The following SDK2 variants were observed in gnomAD, a reference collection of about 807,000 sequenced individuals.
SDK2 encodes the protein sidekick cell adhesion molecule 2.
In SDK2, 105 loss-of-function variants were observed where a neutral mutation model predicts 253.9. That is an observed-to-expected ratio of 0.41 (90% CI 0.35 to 0.49). The LOEUF is 0.49. SDK2 is among the 20% of genes least tolerant of loss of function. The pLI, the probability that SDK2 is intolerant of heterozygous loss-of-function variation, is 0.06. For missense variants in SDK2, 2,608 were observed against 3,003.0 expected (o/e 0.87, Z 3.07); for synonymous variants, 1,249 against 1,234.9 (o/e 1.01, Z -0.24).
rs1474577854 is a variant in SDK2, at chr17:73,616,990, A to G, written c.64+27035T>C. The stretch of plus-strand genomic sequence containing the variant: ...GTTTTCACAGGCCCATGCATGGCAC[A>G]TGGGAGGCCCACGACACATGTTTAT... On this transcript the variant is annotated intron_variant, in intron 1 of 44. Transcript: ENST00000392650. The surrounding 1 kb of genome is among the most constrained non-coding windows in gnomAD (Gnocchi z 5.2). Among the ~76,000 whole-genome samples the G allele has an allele frequency of 2.6e-5, 4 of 152,106 alleles. No homozygotes were observed. In the East Asian group the frequency reaches 7.7e-4, roughly 29 times the overall value.
At chr17:73,376,715 T>C (rs1001963117) in intron 36 of SDK2, among the ~76,000 whole-genome samples, 2 of 152,186 alleles carry the variant, frequency 1.3e-5, no homozygotes, top group Admixed American at 6.6e-5. Context: ...GCTGCCACAC[T>C]GCTGCTGGCG....
chr17:73,402,938 C>T (rs377723645), intron 18 of SDK2, among the ~76,000 whole-genome samples: 5 of 152,250 alleles, frequency 3.3e-5, no homozygotes, highest in African/African-American at 1.2e-4. Context: ...GATGGGATTA[C>T]AGACATGCAC....
intron 2 of SDK2, among the ~76,000 whole-genome samples, chr17:73,499,923 C>G (rs1279734778): frequency 1.3e-5 from 2 of 148,840 alleles, no homozygotes; most frequent in African/African-American, 5.0e-5. Flanking sequence ...GAGTGATCGC[C>G]TTGCTCATCT....
intron 5 of SDK2, among the ~76,000 whole-genome samples, chr17:73,444,727 A>T (rs1043785018): frequency 6.6e-6 from 1 of 152,106 alleles, no homozygotes; most frequent in Non-Finnish European, 1.5e-5. Flanking sequence ...CAGTTTACAG[A>T]TGGGGAAACT....
intron 3 of SDK2, among the ~76,000 whole-genome samples, chr17:73,462,842 T>C (rs555911064): frequency 2.6e-5 from 4 of 152,290 alleles, no homozygotes; most frequent in Admixed American, 2.6e-4. Flanking sequence ...GCCCTCACAG[T>C]CTCTCCATTG....
chr17:73,511,936 T>G lies in SDK2; in HGVS notation c.65-4339A>C, dbSNP rs2063984320. Among the ~76,000 whole-genome samples, 2 of 152,124 alleles carry G rather than the reference T, an allele frequency of 1.3e-5. No individual in the cohort carries two copies. Among genetic ancestry groups the G allele is most frequent in the Non-Finnish European group, 2.9e-5 (2 of 68,010 alleles). ...AGGTGTGTGTGTGTGCAGGTGTGTCTGCATGTATGTCCATGTGTGGACATT... is the reference window on the plus strand; with the variant it reads ...AGGTGTGTGTGTGTGCAGGTGTGTCGGCATGTATGTCCATGTGTGGACATT... On this transcript the variant is annotated intron_variant, in intron 1 of 44. Transcript: ENST00000392650. The surrounding 1 kb of genome is among the most constrained non-coding windows in gnomAD (Gnocchi z 4.9).
intron 1 of SDK2, among the ~76,000 whole-genome samples, chr17:73,510,437 C>T (rs2063971221): frequency 6.6e-6 from 1 of 152,156 alleles, no homozygotes; most frequent in Non-Finnish European, 1.5e-5. Flanking sequence ...CAGGGTGGCT[C>T]AGAGGGCAGC....
chr17:73,376,826 T>C (rs2062785797), intron 36 of SDK2, among the ~76,000 whole-genome samples: 1 of 152,202 alleles, frequency 6.6e-6, no homozygotes, highest in Non-Finnish European at 1.5e-5. Context: ...AGGGGTGTCA[T>C]CCATCTTTAG....
intron 1 of SDK2, among the ~76,000 whole-genome samples, chr17:73,565,154 G>A (rs1326409920): frequency 6.6e-6 from 1 of 152,236 alleles, no homozygotes; most frequent in African/African-American, 2.4e-5. Context: ...GACAGAGTTT[G>A]CGGCAACCGC....
chr17:73,410,851 T>A (rs1273906975), intron 18 of SDK2, among the ~76,000 whole-genome samples: 1 of 152,190 alleles, frequency 6.6e-6, no homozygotes, highest in Admixed American at 6.5e-5. Flanking sequence ...CTCTGCCACC[T>A]CCTCTTGCTC....
intron 1 of SDK2, among the ~76,000 whole-genome samples, chr17:73,579,575 C>T (rs1248783313): frequency 6.6e-6 from 1 of 152,228 alleles, no homozygotes; most frequent in Non-Finnish European, 1.5e-5. Flanking sequence ...CTAACCCCTG[C>T]ACCTCAGCAT....
chr17:73,383,825 G>A lies in SDK2; in HGVS notation c.4705+51C>T. The A allele has an allele frequency of 1.2e-6, 2 of 1,605,946 alleles. No individual in the cohort carries two copies. On this transcript the variant is annotated intron_variant, in intron 33 of 44. Transcript: ENST00000392650. This position sits in a 1 kb window ranked among gnomAD's most constrained non-coding sequence, Gnocchi z 4.3. Reference sequence around the variant, plus strand: ...TGAGAGCTCCAGAGCGGGAAGGTGAGGGTGACCGCCCCCATCCCACCCATT... The same window carrying A: ...TGAGAGCTCCAGAGCGGGAAGGTGAAGGTGACCGCCCCCATCCCACCCATT...
At chr17:73,482,389 G>A (rs1280550859) in intron 2 of SDK2, among the ~76,000 whole-genome samples, 1 of 152,258 alleles carries the variant, frequency 6.6e-6, no homozygotes, top group African/African-American at 2.4e-5. Flanking sequence ...ACAACCTGGG[G>A]CTTGCACAAG....
intron 37 of SDK2, 69 bp from the exon 38 acceptor site, chr17:73,365,464 A>G (rs1248543173): frequency 6.8e-7 from 1 of 1,479,502 alleles, no homozygotes; most frequent in South Asian, 1.4e-5. Context: ...GTTCAGCTCC[A>G]AGGAGCTAGC....
intron 2 of SDK2, among the ~76,000 whole-genome samples, chr17:73,500,142 C>T (rs1212996441): frequency 6.8e-6 from 1 of 147,766 alleles, no homozygotes; most frequent in African/African-American, 2.6e-5. Context: ...CATCCATCCT[C>T]CCTCCACTCT....
intron 1 of SDK2, among the ~76,000 whole-genome samples, chr17:73,602,718 C>A (rs1329368905): frequency 1.3e-5 from 2 of 151,698 alleles, no homozygotes; most frequent in African/African-American, 2.4e-5. Flanking sequence ...TCAACCCTGG[C>A]GCTATTTTGT....
chr17:73,384,518 G>A (rs920119371), intron 32 of SDK2, among the ~76,000 whole-genome samples: 2 of 152,174 alleles, frequency 1.3e-5, no homozygotes, highest in Non-Finnish European at 2.9e-5. Flanking sequence ...CCTTCATCAA[G>A]TTCTCCTTTG....
intron 39 of SDK2, among the ~76,000 whole-genome samples, chr17:73,360,721 G>A (rs1341593022): frequency 6.6e-6 from 1 of 152,082 alleles, no homozygotes; most frequent in East Asian, 1.9e-4. Context: ...GCAGCAGGTG[G>A]ATCACTTGAG....
intron 43 of SDK2, 121 bp downstream of exon 43, chr17:73,350,116 T>C: frequency 1.6e-6 from 1 of 633,270 alleles, no homozygotes; most frequent in African/African-American, 2.0e-5. Flanking sequence ...GGGGCTTGAA[T>C]GGTGTTTCCC....
Sources: allele counts gnomAD v4.1 joint callset (sites outside exome capture counted in the v4.1 genomes callset), GRCh38; gene constraint gnomAD v4.1.1; non-coding constraint Gnocchi (gnomAD v3.1); transcripts MANE v1.5; gene names NCBI Gene and HGNC (gene_info 2026-07-23, HGNC 2026-07-21).